Variants in PPIP5K1 observed in about 807,000 individuals in gnomAD.
PPIP5K1 encodes the protein diphosphoinositol pentakisphosphate kinase 1, also known as inositol hexakisphosphate and diphosphoinositol-pentakisphosphate kinase 1.
PPIP5K1 carries 6 observed loss-of-function variants against 27.7 expected under a neutral mutation model. The observed-to-expected ratio is 0.22, with a 90% confidence interval of 0.12 to 0.43. The LOEUF (loss-of-function observed/expected upper bound fraction) is 0.43. Among genes scored for constraint, PPIP5K1 ranks in the 20% least tolerant of loss-of-function variants. The pLI is 1.00. For missense variants in PPIP5K1, 394 were observed against 635.4 expected (o/e 0.62, Z 4.08); for synonymous variants, 145 against 242.6 (o/e 0.60, Z 3.74).
At chr15:43,538,701 CA>C (rs1282819191) in intron 31 of PPIP5K1, among the ~76,000 whole-genome samples, 1 of 151,972 alleles carries the variant, frequency 6.6e-6, no homozygotes, top group Non-Finnish European at 1.5e-5. Flanking sequence ...TTAGTAGAGA[CA>C]GGGGTTTCAC....
At chr15:43,552,104 C>T (rs955829638) in intron 30 of PPIP5K1, among the ~76,000 whole-genome samples, 1 of 151,924 alleles carries the variant, frequency 6.6e-6, no homozygotes, top group Non-Finnish European at 1.5e-5. Flanking sequence ...CAGGTTTGCA[C>T]CACCGCACTT....
Position 43,539,495 on chromosome 15 carries a change from C to T in PPIP5K1, c.3645G>A (p.Gln1215=), listed in dbSNP as rs1290288401. 1 of 1,604,378 alleles carries T rather than the reference C, an allele frequency of 6.2e-7. No homozygotes were observed. The highest frequency in any genetic ancestry group is 8.5e-7 in the Non-Finnish European group (1 of 1,173,654). Residue 1215 remains glutamine (Q), a synonymous_variant, in exon 31 of 32, where the codon CAG becomes CAA. Coordinates refer to ENST00000420765, the MANE Select transcript of PPIP5K1 (RefSeq NM_001394395.1). ...RTLHSPPLQL[Q]QRSEKPPWYS... ...ACCAAGGGGGCTTCTCAGAGCGCTGCTGGAGTTGCAGGGGAGGTGAATGAA... is the reference window on the plus strand; with the variant it reads ...ACCAAGGGGGCTTCTCAGAGCGCTGTTGGAGTTGCAGGGGAGGTGAATGAA...
At chr15:43,581,202 A>G in intron 9 of PPIP5K1, 25 bp downstream of exon 9, 1 of 1,559,468 alleles carries the variant, frequency 6.4e-7, no homozygotes, top group East Asian at 2.5e-5. Context: ...CCTTCATTTC[A>G]CAACCTCCCT....
In PPIP5K1 at chr15:43,535,403, T is replaced by C. The variant is rs2140271331; in HGVS notation, c.3744A>G (p.Gln1248=). ...GGGAGGGTTGATCACTGAAGCCAAA[T>C]TGGGAGTTACCATCTACTGTAGTAG... The part of the protein sequence containing the change: ...SSPTTVDGNS[Q]FGFSDQPSLN... The change falls in exon 32 of 32, where the codon CAA becomes CAG. Residue 1248 remains glutamine, a synonymous_variant. Transcript: ENST00000420765. 2 of 1,613,866 alleles carry C rather than the reference T, an allele frequency of 1.2e-6. No homozygotes were observed. The highest frequency in any genetic ancestry group is 1.1e-5 in the South Asian group (1 of 91,052).
chr15:43,551,839 G>A (rs1179345933), intron 30 of PPIP5K1, among the ~76,000 whole-genome samples: 2 of 151,938 alleles, frequency 1.3e-5, no homozygotes, highest in Middle Eastern at 3.2e-3. Flanking sequence ...TCCTGACCTC[G>A]TGATCCGCCC....
intron 30 of PPIP5K1, among the ~76,000 whole-genome samples, chr15:43,546,901 C>T (rs1048618717): frequency 2.0e-5 from 3 of 151,998 alleles, no homozygotes; most frequent in East Asian, 1.9e-4. Flanking sequence ...TCAAGTGATC[C>T]GCCCACCTTG....
At chr15:43,556,877 A>G (rs1280961443) in intron 30 of PPIP5K1, among the ~76,000 whole-genome samples, 2 of 152,154 alleles carry the variant, frequency 1.3e-5, no homozygotes, top group Non-Finnish European at 2.9e-5. Context: ...CTTTTCTGCC[A>G]TTTTTAGGTT....
intron 31 of PPIP5K1, among the ~76,000 whole-genome samples, chr15:43,537,592 G>A (rs2080058147): frequency 6.7e-6 from 1 of 149,076 alleles, no homozygotes; most frequent in African/African-American, 2.5e-5. Flanking sequence ...AGGAGGCTGA[G>A]GTAGGAGAAT....
intron 30 of PPIP5K1, among the ~76,000 whole-genome samples, chr15:43,557,185 C>A (rs1310098223): frequency 6.6e-6 from 1 of 152,164 alleles, no homozygotes; most frequent in East Asian, 1.9e-4. Flanking sequence ...GTGGCTCACA[C>A]CTGTAATCCC....
At chr15:43,557,090 G>C (rs2083058134) in intron 30 of PPIP5K1, among the ~76,000 whole-genome samples, 1 of 152,072 alleles carries the variant, frequency 6.6e-6, no homozygotes. Flanking sequence ...CTGGTATACA[G>C]TGTGGGTTCA....
intron 31 of PPIP5K1, among the ~76,000 whole-genome samples, chr15:43,538,420 G>T (rs2080197823): frequency 6.6e-6 from 1 of 152,266 alleles, no homozygotes; most frequent in East Asian, 1.9e-4. Flanking sequence ...TAAACAAGAT[G>T]GGAAAAAGCA....
chr15:43,554,182 T>C (rs886177192), intron 30 of PPIP5K1, among the ~76,000 whole-genome samples: 2 of 152,238 alleles, frequency 1.3e-5, no homozygotes, highest in African/African-American at 4.8e-5. Context: ...CTGCAACTAC[T>C]ATTGTAGAAT....
Position 43,534,491 on chromosome 15 carries a change from A to G in PPIP5K1, c.*183T>C. On this transcript the variant is annotated 3_prime_UTR_variant, in exon 32 of 32. Coordinates refer to ENST00000420765, the MANE Select transcript of PPIP5K1 (RefSeq NM_001394395.1). ...GCCAACAGAAAAGGTTGCTGGCTCA[A>G]ATGGCTGGTATAGTGTGATACCACT... The G allele has an allele frequency of 1.9e-6, 1 of 523,682 alleles. No homozygotes were observed. The allele number at this position is 523,682 out of a possible 1,614,324, so 32.4% of individuals were successfully genotyped here.
intron 30 of PPIP5K1, among the ~76,000 whole-genome samples, chr15:43,555,453 A>G (rs1424330625): frequency 6.7e-6 from 1 of 149,238 alleles, no homozygotes; most frequent in African/African-American, 2.5e-5. Flanking sequence ...TTTTATTTTT[A>G]TTTTTATTTT....
intron 26 of PPIP5K1, among the ~76,000 whole-genome samples, chr15:43,565,482 G>A (rs1490515784): frequency 7.8e-6 from 1 of 128,082 alleles, no homozygotes; most frequent in East Asian, 2.4e-4. Context: ...TCCTTCCTAA[G>A]TTTTTCATCC....
intron 29 of PPIP5K1, among the ~76,000 whole-genome samples, chr15:43,559,453 T>G (rs545249948): frequency 6.6e-6 from 1 of 152,188 alleles, no homozygotes; most frequent in Non-Finnish European, 1.5e-5. Context: ...GCTAGAATAC[T>G]TGGATGCAAA....
chr15:43,558,275 C>T (rs999852222), intron 30 of PPIP5K1, among the ~76,000 whole-genome samples: 2 of 150,856 alleles, frequency 1.3e-5, no homozygotes, highest in African/African-American at 4.9e-5. Context: ...GTTGCCAGGC[C>T]GGAGTGTAGT....
intron 30 of PPIP5K1, among the ~76,000 whole-genome samples, chr15:43,540,672 G>A (rs1016112933): frequency 2.0e-5 from 3 of 151,180 alleles, no homozygotes; most frequent in Admixed American, 1.3e-4. Flanking sequence ...ACTCCAGCCT[G>A]GGCGACAGAG....
intron 30 of PPIP5K1, 151 bp downstream of exon 30, chr15:43,558,644 A>T (rs1028924269): frequency 4.4e-5 from 50 of 1,127,524 alleles, no homozygotes; most frequent in Non-Finnish European, 4.9e-5. Flanking sequence ...GACATGAACC[A>T]CTGCGCCCAG....
Sources: allele counts gnomAD v4.1 joint callset (sites outside exome capture counted in the v4.1 genomes callset), GRCh38; gene constraint gnomAD v4.1.1; transcripts MANE v1.5; gene names NCBI Gene and HGNC (gene_info 2026-07-23, HGNC 2026-07-21).